Variants in ARHGEF6 observed in about 807,000 individuals in gnomAD.
The protein encoded by ARHGEF6 is Rac/Cdc42 guanine nucleotide exchange factor 6, also known as rho guanine nucleotide exchange factor 6.
Under a neutral mutation model 70.3 loss-of-function variants are expected in ARHGEF6, and 9 were observed. The ratio of observed to expected loss-of-function variants is 0.13; its 90% CI spans 0.08 to 0.22. ARHGEF6 has a LOEUF of 0.22. Ranked by LOEUF, ARHGEF6 falls within the 10% of genes least tolerant of loss-of-function variation. The probability of loss-of-function intolerance (pLI) is 1.00; values close to 1 mark genes in which losing one functional copy is unlikely to be tolerated. For synonymous variants in ARHGEF6, 201 were observed against 207.8 expected (o/e 0.97, Z 0.28); for missense variants, 470 against 563.0 (o/e 0.83, Z 1.67).
At chrX:136,744,843 A>G in intron 4 of ARHGEF6, among the ~76,000 whole-genome samples, 1 of 112,494 alleles carries the variant, frequency 8.9e-6, no homozygotes, top group Non-Finnish European at 1.9e-5. Context: ...TAATGAGGAT[A>G]CTAATCAATA....
chrX:136,739,549 C>T (rs991163422), intron 5 of ARHGEF6, among the ~76,000 whole-genome samples: 2 of 112,466 alleles, frequency 1.8e-5, no homozygotes, highest in African/African-American at 6.5e-5. Flanking sequence ...AGTCTCTGCC[C>T]TTGTGGTATT....
At chrX:136,670,734 A>ACATAG (rs2076217128) in intron 20 of ARHGEF6, among the ~76,000 whole-genome samples, 1 of 112,125 alleles carries the variant, frequency 8.9e-6, no homozygotes, top group Non-Finnish European at 1.9e-5. Context: ...AGTCTACAGT[A>ACATAG]TCTGTGCTAT....
intron 9 of ARHGEF6, among the ~76,000 whole-genome samples, chrX:136,705,226 G>A (rs763032834): frequency 3.7e-5 from 4 of 108,052 alleles, no homozygotes; most frequent in East Asian, 2.9e-4. Context: ...CAGGAGAATC[G>A]CTTGAATCTG....
At chrX:136,776,068 A>G (rs1399840469) in intron 2 of ARHGEF6, among the ~76,000 whole-genome samples, 1 of 112,124 alleles carries the variant, frequency 8.9e-6, no homozygotes, top group East Asian at 2.8e-4. Flanking sequence ...AACACATCCC[A>G]TGCTCATGGA....
chrX:136,678,896 A>G (rs1220183883), intron 16 of ARHGEF6, among the ~76,000 whole-genome samples: 1 of 111,407 alleles, frequency 9.0e-6, no homozygotes, highest in African/African-American at 3.3e-5. Flanking sequence ...GTAATACTCC[A>G]CACAGTTACA....
chrX:136,685,771 G>T lies in ARHGEF6; in HGVS notation c.1298C>A (p.Ser433Tyr), dbSNP rs1387810071. The T allele has an allele frequency of 4.1e-6, 5 of 1,209,288 alleles. No individual in the cohort carries two copies. Among genetic ancestry groups the T allele is most frequent in the Non-Finnish European group, 5.6e-6 (5 of 894,778 alleles). Residue 433 changes from serine to tyrosine, a missense_variant, in exon 12 of 22, where the codon TCC becomes TAC. By Grantham distance (144) the Ser-to-Tyr change is moderately radical (BLOSUM62 -2). Transcript: ENST00000250617. ...KRKQLELQILSEPIQAWEGED... is the reference protein window; with the variant it reads ...KRKQLELQILYEPIQAWEGED... Reference sequence around the variant, plus strand: ...TCCTTCCCATGCCTGAATAGGTTCGGACAGTATCTGTAACTCCAGCTGTTT... The same window carrying T: ...TCCTTCCCATGCCTGAATAGGTTCGTACAGTATCTGTAACTCCAGCTGTTT...
At chrX:136,739,840 C>G (rs1377761613) in intron 5 of ARHGEF6, among the ~76,000 whole-genome samples, 1 of 110,856 alleles carries the variant, frequency 9.0e-6, no homozygotes, top group Non-Finnish European at 1.9e-5. Context: ...CTGGCACAGG[C>G]AGCCAAGAGA....
intron 2 of ARHGEF6, chrX:136,767,161 C>T (rs1422699713): frequency 1.1e-5 from 8 of 754,006 alleles, no homozygotes; most frequent in Middle Eastern, 1.5e-3. Flanking sequence ...GGCCGCTGCC[C>T]GCCTGTCCTC....
intron 5 of ARHGEF6, among the ~76,000 whole-genome samples, chrX:136,742,483 A>T (rs781586699): frequency 8.9e-6 from 1 of 112,139 alleles, no homozygotes; most frequent in African/African-American, 3.2e-5. Flanking sequence ...TGAGCTAACC[A>T]CTCAAAAGAG....
At chrX:136,700,137 C>G (rs2076554268) in intron 9 of ARHGEF6, among the ~76,000 whole-genome samples, 2 of 111,288 alleles carry the variant, frequency 1.8e-5, no homozygotes, top group South Asian at 7.6e-4. Flanking sequence ...AACACCTTAT[C>G]ACCACATTGA....
intron 2 of ARHGEF6, among the ~76,000 whole-genome samples, chrX:136,777,761 T>TACACACACATACACACACAC (rs2077417794): frequency 1.0e-5 from 1 of 98,487 alleles, no homozygotes; most frequent in Non-Finnish European, 2.0e-5. Flanking sequence ...TATGTATACA[T>TACACACACATACACACACAC]ACACACACAC....
intron 2 of ARHGEF6, among the ~76,000 whole-genome samples, chrX:136,762,780 C>T (rs1049619348): frequency 8.9e-6 from 1 of 112,424 alleles, no homozygotes; most frequent in Non-Finnish European, 1.9e-5. Context: ...GCGTGAGCCA[C>T]TGTGCCCAGC....
intron 2 of ARHGEF6, among the ~76,000 whole-genome samples, chrX:136,771,582 A>T (rs903630866): frequency 2.7e-5 from 3 of 112,408 alleles, no homozygotes; most frequent in Non-Finnish European, 5.6e-5. Flanking sequence ...AATTAACTCA[A>T]AATAGATCAA....
At chrX:136,774,156 G>T (rs2077383804) in intron 2 of ARHGEF6, 1 of 111,398 alleles carries the variant, frequency 9.0e-6, no homozygotes, top group African/African-American at 3.3e-5. Flanking sequence ...TCTATCCAAA[G>T]TGGAAGAATA....
At chrX:136,729,499 G>A (rs1056133856) in intron 6 of ARHGEF6, among the ~76,000 whole-genome samples, 1 of 94,778 alleles carries the variant, frequency 1.1e-5, no homozygotes, top group African/African-American at 4.0e-5. Context: ...AAAAGAACAG[G>A]TCTGGTCAGA....
Position 136,713,293 on chromosome X carries a change from G to A in ARHGEF6, c.810C>T (p.Pro270=). The change falls in exon 7 of 22, where the codon CCC becomes CCT. Residue 270 remains proline (P), a synonymous_variant. Transcript: ENST00000250617. ...LQSLLVTYLR[P]LQSNNNLSTV... is the part of the protein sequence containing the mutation. ...CATCTTACTTGTTATTGGACTGCAG[G>A]GGTCTTAAGTAAGTAACAAGAAGAG... 3 of 1,203,324 alleles carry A rather than the reference G, an allele frequency of 2.5e-6. No individual in the cohort carries two copies. The highest frequency in any genetic ancestry group is 3.4e-6 in the Non-Finnish European group (3 of 888,471).
In ARHGEF6 at chrX:136,672,108, C is replaced by T. The variant is rs1489915588; in HGVS notation, c.2047G>A (p.Asp683Asn). 1 of 1,204,079 alleles carries T rather than the reference C, an allele frequency of 8.3e-7. No homozygotes were observed. Among genetic ancestry groups the T allele is most frequent in the Admixed American group, 2.2e-5 (1 of 46,025 alleles). Reference protein sequence around the residue: ...QQGHGSSTRKDSIPQVLLPEE... With the variant: ...QQGHGSSTRKNSIPQVLLPEE... ...GGGAGTAGGACTTGTGGAATGGAAT[C>T]TTTTCGAGTACCTACAAACAAGGGT... The change falls in exon 20 of 22, where the codon GAT becomes AAT. Residue 683 changes from aspartate to asparagine, a missense_variant. Asp to Asn is a conservative substitution (Grantham distance 23). Coordinates refer to ENST00000250617, the MANE Select transcript of ARHGEF6 (RefSeq NM_004840.3).
chrX:136,724,222 G>T (rs1255851613), intron 6 of ARHGEF6, among the ~76,000 whole-genome samples: 1 of 108,997 alleles, frequency 9.2e-6, no homozygotes, highest in African/African-American at 3.3e-5. Context: ...TGGGACTACA[G>T]GTGCATGCTA....
chrX:136,676,838 C>A, intron 17 of ARHGEF6, 121 bp from the exon 18 acceptor site: 1 of 526,214 alleles, frequency 1.9e-6, no homozygotes, highest in South Asian at 2.6e-5. Flanking sequence ...AGGAGTACAT[C>A]AATGTTTAAT....
Sources: gnomAD v4.1 joint callset for allele counts (sites outside exome capture counted in the v4.1 genomes callset) on GRCh38, gnomAD v4.1.1 for gene constraint, MANE v1.5 for transcripts, NCBI Gene and HGNC (gene_info 2026-07-23, HGNC 2026-07-21) for gene names.